PFKP: variants seen among roughly 807,000 people sequenced by gnomAD.
The protein encoded by PFKP is ATP-dependent 6-phosphofructokinase, platelet type.
PFKP carries 101 observed loss-of-function variants against 94.3 expected under a neutral mutation model. That is an observed-to-expected ratio of 1.07 (90% CI 0.91 to 1.26). The LOEUF (loss-of-function observed/expected upper bound fraction) is 1.26. Ranked by LOEUF, PFKP falls within the 50% of genes most tolerant of loss-of-function variation. The probability of loss-of-function intolerance (pLI) is 0.00; values close to 1 mark genes in which losing one functional copy is unlikely to be tolerated. For synonymous variants in PFKP, 573 were observed against 432.6 expected (o/e 1.32, Z -4.03); for missense variants, 1,145 against 1,103.3 (o/e 1.04, Z -0.53).
intron 17 of PFKP, 93 bp downstream of exon 17, chr10:3,130,076 A>G: frequency 8.9e-7 from 1 of 1,122,160 alleles, no homozygotes; most frequent in Non-Finnish European, 1.3e-6. Context: ...TTGCTTTCCA[A>G]GGGGCATGGA....
At chr10:3,110,836 ATGTT>A (rs1836136289) in intron 10 of PFKP, among the ~76,000 whole-genome samples, 1 of 150,292 alleles carries the variant, frequency 6.7e-6, no homozygotes, top group Admixed American at 6.6e-5. Flanking sequence ...ATGTATGTGT[ATGTT>A]TATATGCATG....
intron 1 of PFKP, among the ~76,000 whole-genome samples, chr10:3,069,872 G>A (rs1832054017): frequency 6.6e-6 from 1 of 152,248 alleles, no homozygotes; most frequent in African/African-American, 2.4e-5. Flanking sequence ...GAATCGCGGT[G>A]TTCTCTGTTA....
intron 17 of PFKP, 149 bp downstream of exon 17, chr10:3,130,132 G>T: frequency 1.5e-6 from 1 of 689,208 alleles, no homozygotes; most frequent in Non-Finnish European, 2.3e-6. Flanking sequence ...ACTTCGCATC[G>T]CCCAGGTGCC....
chr10:3,078,932 G>A (rs778140614), intron 1 of PFKP, among the ~76,000 whole-genome samples: 2 of 152,202 alleles, frequency 1.3e-5, no homozygotes, highest in Non-Finnish European at 2.9e-5. Flanking sequence ...AGTCCTTTCA[G>A]GACCTAGAAT....
chr10:3,129,426 C>G (rs1484342311), intron 16 of PFKP: 1 of 183,756 alleles, frequency 5.4e-6, no homozygotes, highest in Non-Finnish European at 1.1e-5. Flanking sequence ...CCCCTAACAT[C>G]TCAGCTAACA....
intron 3 of PFKP, 61 bp downstream of exon 3, chr10:3,099,413 A>G (rs1295727760): frequency 2.3e-6 from 3 of 1,314,664 alleles, no homozygotes; most frequent in Non-Finnish European, 2.2e-6. Flanking sequence ...TGTCTAGTAA[A>G]TTCCCAGAAC....
At chr10:3,110,486 G>C (rs557213537) in intron 10 of PFKP, among the ~76,000 whole-genome samples, 1 of 151,670 alleles carries the variant, frequency 6.6e-6, no homozygotes, top group East Asian at 1.9e-4. Context: ...AAAGTGCTGG[G>C]ATTACAGGCA....
At chr10:3,121,814 TTTTTTTTTTTTTTTTTC>T (rs1182322955) in intron 16 of PFKP, among the ~76,000 whole-genome samples, 2,678 of 45,620 alleles carry the variant, frequency 0.059, 122 homozygotes, top group Non-Finnish European at 0.089. Flanking sequence ...TTTTTTTTTT[TTTTTTTTTTTTTTTTTC>T]TTTTTTTGGA....
intron 10 of PFKP, among the ~76,000 whole-genome samples, chr10:3,111,738 G>A (rs371800058): frequency 1.3e-5 from 2 of 152,196 alleles, no homozygotes; most frequent in Middle Eastern, 3.4e-3. Context: ...TCCCAGCCCC[G>A]TGTCCCAGGG....
intron 1 of PFKP, among the ~76,000 whole-genome samples, chr10:3,081,700 C>T (rs2131418079): frequency 6.6e-6 from 1 of 152,252 alleles, no homozygotes; most frequent in East Asian, 1.9e-4. Flanking sequence ...TAGGTGGAGG[C>T]TAACAGACTT....
chr10:3,115,714 C>G (rs181687138), intron 13 of PFKP, among the ~76,000 whole-genome samples: 1 of 152,314 alleles, frequency 6.6e-6, no homozygotes, highest in East Asian at 1.9e-4. Flanking sequence ...GTTAAAGATG[C>G]AGAACTCACA....
At chr10:3,108,830 C>T (rs371829848) in intron 9 of PFKP, 37 bp downstream of exon 9, 25 of 1,442,928 alleles carry the variant, frequency 1.7e-5, no homozygotes, top group Non-Finnish European at 3.9e-6. Context: ...CACAAGGTCT[C>T]TAGGAGGAAG....
At chr10:3,106,453 C>A (rs944990513) in intron 7 of PFKP, among the ~76,000 whole-genome samples, 1 of 151,234 alleles carries the variant, frequency 6.6e-6, no homozygotes, top group African/African-American at 2.4e-5. Context: ...GTGTCCTTCC[C>A]CATGGGAACC....
intron 1 of PFKP, among the ~76,000 whole-genome samples, chr10:3,077,355 G>A (rs947132431): frequency 1.8e-4 from 26 of 140,626 alleles, no homozygotes; most frequent in African/African-American, 6.1e-4. Context: ...TCCACCTCCC[G>A]GGTTCAAGCG....
intron 16 of PFKP, chr10:3,129,455 C>T (rs41288729): frequency 0.097 from 21,090 of 217,566 alleles, 1,342 homozygotes; most frequent in Non-Finnish European, 0.13. Flanking sequence ...TGTCTGTGTC[C>T]GGTGAAAGCG....
At position 3,103,840 on chromosome 10, in the gene PFKP, C is replaced by G. The variant is rs377084892; in HGVS notation, c.516C>G (p.Gly172=). 1 of 1,614,002 alleles carries G rather than the reference C, an allele frequency of 6.2e-7. No homozygotes were observed. The highest frequency in any genetic ancestry group is 1.1e-5 in the South Asian group (1 of 91,080). ...ACCTCAACGTGGTGGGCATGGTGGGCTCCATCGACAATGATTTCTGCGGCA... is the reference window on the plus strand; with the variant it reads ...ACCTCAACGTGGTGGGCATGGTGGGGTCCATCGACAATGATTTCTGCGGCA... The part of the protein sequence containing the change: ...YAYLNVVGMV[G]SIDNDFCGTD... Residue 172 remains glycine, a synonymous_variant, in exon 5 of 22, where the codon GGC becomes GGG. Transcript: ENST00000381125.
At chr10:3,114,396 C>T (rs1033539924) in intron 13 of PFKP, among the ~76,000 whole-genome samples, 1 of 152,190 alleles carries the variant, frequency 6.6e-6, no homozygotes, top group Admixed American at 6.5e-5. Context: ...GTGACCCACC[C>T]ACCTTGGCCT....
chr10:3,081,848 A>C (rs1377799457), intron 1 of PFKP, among the ~76,000 whole-genome samples: 3 of 151,900 alleles, frequency 2.0e-5, no homozygotes, highest in African/African-American at 7.2e-5. Context: ...GATACATTGT[A>C]TAACACTGTT....
At chr10:3,133,339 C>G (rs757995884) in intron 19 of PFKP, 25 bp downstream of exon 19, 2 of 1,385,192 alleles carry the variant, frequency 1.4e-6, no homozygotes, top group Non-Finnish European at 2.1e-6. Context: ...GCATGAGGGG[C>G]CACAAAGCCC....
Sources: gnomAD v4.1 joint callset for allele counts (sites outside exome capture counted in the v4.1 genomes callset) on GRCh38, gnomAD v4.1.1 for gene constraint, MANE v1.5 for transcripts, NCBI Gene and HGNC (gene_info 2026-07-23, HGNC 2026-07-21) for gene names.